Variants in GLRA1 observed in about 807,000 individuals in gnomAD.
The protein encoded by GLRA1 is glycine receptor subunit alpha-1.
Under a neutral mutation model 48.3 loss-of-function variants are expected in GLRA1, and 37 were observed. The observed-to-expected ratio is 0.77, with a 90% confidence interval of 0.59 to 1.01. GLRA1 has a LOEUF of 1.01. GLRA1 is among the 50% of genes least tolerant of loss of function. The pLI, the probability that GLRA1 is intolerant of heterozygous loss-of-function variation, is 0.00. For synonymous variants in GLRA1, 196 were observed against 210.7 expected, an observed-to-expected ratio of 0.93 and a Z score of 0.60; for missense variants, 427 against 571.0, an observed-to-expected ratio of 0.75 and a Z score of 2.57.
At chr5:151,835,227 G>A (rs1763542420) in intron 7 of GLRA1, among the ~76,000 whole-genome samples, 1 of 152,022 alleles carries the variant, frequency 6.6e-6, no homozygotes, top group African/African-American at 2.4e-5. Context: ...AACCCAGGAA[G>A]AAGTTGAATC....
At chr5:151,850,009 A>G in intron 7 of GLRA1, 1 of 1,602,798 alleles carries the variant, frequency 6.2e-7, no homozygotes, top group Non-Finnish European at 8.5e-7. Flanking sequence ...TGCAGTGACC[A>G]ATTTGAGGCA....
chr5:151,823,303 C>T (rs1255220370), intron 8 of GLRA1, among the ~76,000 whole-genome samples: 2 of 152,072 alleles, frequency 1.3e-5, no homozygotes, highest in African/African-American at 4.8e-5. Context: ...TTCATTTTTT[C>T]TTCTACCTGG....
chr5:151,911,285 T>G (rs1225645551), intron 1 of GLRA1, among the ~76,000 whole-genome samples: 1 of 152,220 alleles, frequency 6.6e-6, no homozygotes, highest in Non-Finnish European at 1.5e-5. Context: ...TTATACCATC[T>G]CCCACCTCCA....
At chr5:151,911,988 G>A (rs185173606) in intron 1 of GLRA1, among the ~76,000 whole-genome samples, 3 of 152,184 alleles carry the variant, frequency 2.0e-5, no homozygotes, top group Admixed American at 6.5e-5. Flanking sequence ...GGAATGACCT[G>A]TAGTCTTTAC....
In GLRA1 at chr5:151,855,931, T is replaced by C. The variant is rs567889811; in HGVS notation, c.559+370A>G. Among the ~76,000 whole-genome samples the C allele has an allele frequency of 1.1e-4, 16 of 152,298 alleles. No individual in the cohort carries two copies. The South Asian group carries it at 3.3e-3, about 32-fold the overall frequency. ...GTACTTCTAACAACACACCAATCAC[T>C]TGCCGCCCTTTAGTAGAGTTATTTG... On this transcript the variant is annotated intron_variant, in intron 5 of 8. Transcript: ENST00000274576.
intron 2 of GLRA1, among the ~76,000 whole-genome samples, chr5:151,887,534 G>T (rs1182820655): frequency 6.6e-6 from 1 of 152,146 alleles, no homozygotes; most frequent in African/African-American, 2.4e-5. Flanking sequence ...CCAGGAGAAG[G>T]TATGGTTATT....
chr5:151,918,869 A>G (rs1463652591), intron 1 of GLRA1, among the ~76,000 whole-genome samples: 1 of 152,160 alleles, frequency 6.6e-6, no homozygotes, highest in Non-Finnish European at 1.5e-5. Context: ...ACTTATATTG[A>G]GTCCAAATTT....
At chr5:151,837,341 G>A (rs1284484619) in intron 7 of GLRA1, among the ~76,000 whole-genome samples, 2 of 152,224 alleles carry the variant, frequency 1.3e-5, no homozygotes, top group Non-Finnish European at 2.9e-5. Context: ...TGGAGAAATA[G>A]GAATGCTTTT....
chr5:151,889,871 C>T (rs1017632179), intron 2 of GLRA1, among the ~76,000 whole-genome samples: 4 of 152,034 alleles, frequency 2.6e-5, no homozygotes, highest in African/African-American at 9.7e-5. Flanking sequence ...TCAGCTCCTG[C>T]GGTGGGGCTC....
intron 1 of GLRA1, among the ~76,000 whole-genome samples, chr5:151,907,462 G>T (rs189995809): frequency 4.1e-4 from 63 of 152,262 alleles, no homozygotes; most frequent in Middle Eastern, 3.4e-3. Flanking sequence ...TAAAACAGGG[G>T]CAGTGGAATA....
chr5:151,900,847 G>A (rs2964607), intron 1 of GLRA1, among the ~76,000 whole-genome samples: 39,461 of 152,066 alleles, frequency 0.26, 6,198 homozygotes, highest in South Asian at 0.39. Context: ...TTTCACAAAC[G>A]TCTTTTCAGC....
intron 3 of GLRA1, among the ~76,000 whole-genome samples, chr5:151,874,693 T>C (rs1216696639): frequency 1.3e-5 from 2 of 152,068 alleles, no homozygotes; most frequent in South Asian, 2.1e-4. Context: ...AGAGAGTAAC[T>C]GGAAGAGAGG....
chr5:151,856,248 C>A, intron 5 of GLRA1, 53 bp downstream of exon 5: 1 of 1,249,712 alleles, frequency 8.0e-7, no homozygotes, highest in Non-Finnish European at 1.2e-6. Flanking sequence ...CTGCCTATCC[C>A]ATGGGTAAAA....
chr5:151,862,974 C>T (rs966345509), intron 3 of GLRA1, among the ~76,000 whole-genome samples: 2 of 152,188 alleles, frequency 1.3e-5, no homozygotes. Context: ...TGAGAGTTTG[C>T]TCAGTTGCCT....
At position 151,859,802 on chromosome 5, in the gene GLRA1, A is replaced by G. The variant is rs575951950; in HGVS notation, c.459T>C (p.Asn153=). Reference sequence around the variant, plus strand: ...GAACTCACCTGATGCTGTAGAGGACATTCCCATTCCGGGAGATCCTTAGCA... The same window carrying G: ...GAACTCACCTGATGCTGTAGAGGACGTTCCCATTCCGGGAGATCCTTAGCA... ...NKLLRISRNG[N]VLYSIRITLT... Residue 153 remains asparagine (N), a synonymous_variant, in exon 4 of 9, where the codon AAT becomes AAC. Transcript: ENST00000274576. 216 of 1,612,542 alleles carry G rather than the reference A, an allele frequency of 1.3e-4. No homozygotes were observed. The South Asian group carries it at 2.2e-3, about 17-fold the overall frequency.
chr5:151,859,645 G>A, intron 4 of GLRA1, 140 bp downstream of exon 4: 2 of 689,096 alleles, frequency 2.9e-6, no homozygotes, highest in Non-Finnish European at 2.7e-6. Context: ...TACAGAGCTG[G>A]GTCTACCTAT....
At chr5:151,915,427 G>A (rs546238893) in intron 1 of GLRA1, among the ~76,000 whole-genome samples, 122 of 152,098 alleles carry the variant, frequency 8.0e-4, no homozygotes, top group Non-Finnish European at 1.5e-3. Context: ...TCATAAAGTT[G>A]TAGGTACACT....
rs565675474 is a variant in GLRA1 at position 151,832,944 on chromosome 5, G to A, written c.913-3877C>T. On this transcript the variant is annotated intron_variant, in intron 7 of 8. Transcript: ENST00000274576. ...AAGGGAAGCCCATCAGACTAATAGC[G>A]GATCTCTCGGCAGAAACCCTACAAG... Among the ~76,000 whole-genome samples, 9 of 152,288 alleles carry A rather than the reference G, an allele frequency of 5.9e-5. No individual in the cohort carries two copies. The East Asian group carries it at 9.6e-4, about 16-fold the overall frequency.
intron 7 of GLRA1, among the ~76,000 whole-genome samples, chr5:151,848,727 G>A (rs115819049): frequency 1.3e-3 from 200 of 152,312 alleles, no homozygotes; most frequent in African/African-American, 4.5e-3. Flanking sequence ...TGAATATGTT[G>A]CTGTAATAAA....
Sources: gnomAD v4.1 joint callset for allele counts (sites outside exome capture counted in the v4.1 genomes callset) on GRCh38, gnomAD v4.1.1 for gene constraint, MANE v1.5 for transcripts, NCBI Gene and HGNC (gene_info 2026-07-23, HGNC 2026-07-21) for gene names.